EPC2: variants seen among roughly 807,000 people sequenced by gnomAD.
EPC2 encodes enhancer of polycomb 2, also known as enhancer of polycomb homolog 2.
EPC2 carries 14 observed loss-of-function variants against 92.1 expected under a neutral mutation model. The observed-to-expected ratio is 0.15, with a 90% CI of 0.10 to 0.24. The LOEUF (loss-of-function observed/expected upper bound fraction) is 0.24. EPC2 is among the 10% of genes least tolerant of loss of function. The pLI, the probability that EPC2 is intolerant of heterozygous loss-of-function variation, is 1.00. For missense variants in EPC2, 755 were observed against 971.5 expected, an observed-to-expected ratio of 0.78 and a Z score of 2.96; for synonymous variants, 340 against 334.7, an observed-to-expected ratio of 1.02 and a Z score of -0.17.
chr2:148,648,182 AT>A (rs1225219204), intron 1 of EPC2, among the ~76,000 whole-genome samples: 4 of 152,248 alleles, frequency 2.6e-5, no homozygotes, highest in African/African-American at 9.6e-5. Flanking sequence ...AACAGTTAAG[AT>A]TTATAGTCTG....
intron 1 of EPC2, among the ~76,000 whole-genome samples, chr2:148,671,812 C>T (rs1681160515): frequency 6.6e-6 from 1 of 152,024 alleles, no homozygotes; most frequent in African/African-American, 2.4e-5. Context: ...CCTCTTCCTC[C>T]TTGCATTTTT....
chr2:148,720,900 G>A (rs931191295), intron 2 of EPC2, among the ~76,000 whole-genome samples: 5 of 152,068 alleles, frequency 3.3e-5, no homozygotes, highest in African/African-American at 1.2e-4. Flanking sequence ...CTCCATGAGC[G>A]CCACGGACTG....
At chr2:148,648,820 A>G (rs1459614056) in intron 1 of EPC2, among the ~76,000 whole-genome samples, 1 of 152,214 alleles carries the variant, frequency 6.6e-6, no homozygotes, top group African/African-American at 2.4e-5. Flanking sequence ...CATTGGTAAC[A>G]TTGTATCATT....
In EPC2 at chr2:148,644,864, C is replaced by T; in HGVS notation, c.-154C>T. On this transcript the variant is annotated 5_prime_UTR_variant, in exon 1 of 14. Transcript: ENST00000258484. The stretch of plus-strand genomic sequence containing the variant: ...GGGGGCTGTTTTCGGGCGGGGTGGG[C>T]GCCCATGCTGTGGCCGGGGGCAGTG... 3.3e-6 allele frequency: 2 copies of T among 610,038 alleles called. No individual in the cohort carries two copies. Among genetic ancestry groups the T allele is most frequent in the East Asian group, 6.7e-5 (2 of 29,810 alleles). The allele number at this position is 610,038 out of a possible 1,614,324, so 37.8% of individuals were successfully genotyped here.
chr2:148,765,017 C>T lies in EPC2; in HGVS notation c.1011C>T (p.Tyr337=). The change falls in exon 7 of 14, where the codon TAC becomes TAT. Residue 337 remains tyrosine, a synonymous_variant. Transcript: ENST00000258484. ...ATGTGGTTCGTCAAAAGAAGAAGTA[C>T]CCAAAGAAGCCTAAAGCAGAGGCTT... The part of the protein sequence containing the change: ...ASDVVRQKKK[Y]PKKPKAEALI... The T allele has an allele frequency of 1.9e-6, 3 of 1,606,272 alleles. No homozygotes were observed. The highest frequency in any genetic ancestry group is 2.6e-6 in the Non-Finnish European group (3 of 1,175,846).
chr2:148,669,026 A>G (rs1052113250), intron 1 of EPC2, among the ~76,000 whole-genome samples: 11 of 151,902 alleles, frequency 7.2e-5, no homozygotes, highest in African/African-American at 2.7e-4. Context: ...GTGCTGCTTT[A>G]TTACATCTTA....
chr2:148,716,956 G>T (rs1262063005), intron 2 of EPC2, among the ~76,000 whole-genome samples: 2 of 152,006 alleles, frequency 1.3e-5, no homozygotes, highest in Non-Finnish European at 2.9e-5. Flanking sequence ...TTTCTTCCTG[G>T]TTCAGTCTTT....
intron 1 of EPC2, among the ~76,000 whole-genome samples, chr2:148,661,106 T>C (rs1477708768): frequency 6.6e-6 from 1 of 152,138 alleles, no homozygotes; most frequent in Non-Finnish European, 1.5e-5. Flanking sequence ...CCAAAAATAA[T>C]GTTGGCAGTT....
chr2:148,760,117 C>T (rs1376091210), intron 4 of EPC2, among the ~76,000 whole-genome samples: 4 of 151,996 alleles, frequency 2.6e-5, no homozygotes, highest in South Asian at 4.2e-4. Flanking sequence ...ATGGTGGATT[C>T]GTGTAATCCC....
intron 1 of EPC2, among the ~76,000 whole-genome samples, chr2:148,679,137 G>A (rs576968218): frequency 2.6e-5 from 4 of 152,328 alleles, no homozygotes; most frequent in Admixed American, 6.5e-5. Context: ...GGAAAGTGAA[G>A]TATGTATCCA....
intron 2 of EPC2, among the ~76,000 whole-genome samples, chr2:148,701,302 A>C (rs1015055053): frequency 1.3e-5 from 2 of 152,196 alleles, no homozygotes; most frequent in African/African-American, 4.8e-5. Context: ...ATGATGTTGC[A>C]TAGAAGTGGT....
chr2:148,780,952 A>G (rs1683736039), intron 10 of EPC2, among the ~76,000 whole-genome samples: 1 of 152,212 alleles, frequency 6.6e-6, no homozygotes, highest in Non-Finnish European at 1.5e-5. Context: ...CAAAAGTTGT[A>G]GATGTCTTGT....
At chr2:148,683,874 G>C (rs1004447673) in intron 1 of EPC2, among the ~76,000 whole-genome samples, 18 of 152,112 alleles carry the variant, frequency 1.2e-4, no homozygotes, top group African/African-American at 3.1e-4. Context: ...TTTTCCTTTG[G>C]GTAGTTACCC....
chr2:148,772,583 A>G (rs1477938296), intron 10 of EPC2, among the ~76,000 whole-genome samples: 7 of 152,294 alleles, frequency 4.6e-5, no homozygotes, highest in East Asian at 3.9e-4. Context: ...AAAGGTTATA[A>G]TGGAAAATTG....
chr2:148,691,726 C>G (rs1485904428), intron 2 of EPC2: 1 of 1,056,878 alleles, frequency 9.5e-7, no homozygotes, highest in East Asian at 2.6e-5. Context: ...GGCTGCAGAT[C>G]TGCTCAAGGT....
Position 148,705,754 on chromosome 2 carries a change from G to A in EPC2, c.313+15381G>A, listed in dbSNP as rs111623583. Reference sequence around the variant, plus strand: ...AAACTCCAACAGACCTGCAGCTGAGGGACCTGACTGTTAGAAGGAAAACTA... The same window carrying A: ...AAACTCCAACAGACCTGCAGCTGAGAGACCTGACTGTTAGAAGGAAAACTA... On this transcript the variant is annotated intron_variant, in intron 2 of 13. Coordinates refer to ENST00000258484, the MANE Select transcript of EPC2 (RefSeq NM_015630.4). 1.0e-2 allele frequency among the ~76,000 whole-genome samples: 1,522 copies of A among 152,252 alleles called. 25 individuals are homozygous for A. Among genetic ancestry groups the A allele is most frequent in the African/African-American group, 0.034 (1,427 of 41,536 alleles).
intron 1 of EPC2, among the ~76,000 whole-genome samples, chr2:148,653,551 G>A (rs1346211090): frequency 3.9e-5 from 6 of 152,202 alleles, no homozygotes; most frequent in Non-Finnish European, 8.8e-5. Context: ...GTCACTTCCA[G>A]TTTCTCCTCA....
intron 1 of EPC2, chr2:148,645,425 C>A: frequency 4.8e-6 from 2 of 413,120 alleles, no homozygotes; most frequent in South Asian, 5.9e-5. Context: ...GGGGCCTTGC[C>A]GTAAGCGGCG....
chr2:148,674,917 G>A (rs1681232897), intron 1 of EPC2, among the ~76,000 whole-genome samples: 1 of 152,112 alleles, frequency 6.6e-6, no homozygotes, highest in Admixed American at 6.6e-5. Flanking sequence ...TCCCTTTACT[G>A]GTTTGTAACT....
Sources: gnomAD v4.1 joint callset for allele counts (sites outside exome capture counted in the v4.1 genomes callset) on GRCh38, gnomAD v4.1.1 for gene constraint, MANE v1.5 for transcripts, NCBI Gene and HGNC (gene_info 2026-07-23, HGNC 2026-07-21) for gene names.